The following PEX5L variants were observed in gnomAD, a reference collection of about 807,000 sequenced individuals.
PEX5L encodes peroxisomal biogenesis factor 5 like.
Under a neutral mutation model 84.0 loss-of-function variants are expected in PEX5L, and 30 were observed. That is an observed-to-expected ratio of 0.36 (90% CI 0.27 to 0.48). The LOEUF (loss-of-function observed/expected upper bound fraction) is 0.48. PEX5L is among the 20% of genes least tolerant of loss of function. The pLI, the probability that PEX5L is intolerant of heterozygous loss-of-function variation, is 0.99. For missense variants in PEX5L, 533 were observed against 754.6 expected (o/e 0.71, Z 3.44); for synonymous variants, 270 against 283.1 (o/e 0.95, Z 0.46).
At chr3:179,830,208 T>A (rs1414136832) in intron 8 of PEX5L, among the ~76,000 whole-genome samples, 1 of 152,102 alleles carries the variant, frequency 6.6e-6, no homozygotes, top group Non-Finnish European at 1.5e-5. Flanking sequence ...TGTTTCATTT[T>A]GGCAGAGAAA....
chr3:179,964,308 TC>T (rs1453920077), intron 2 of PEX5L, among the ~76,000 whole-genome samples: 3 of 152,072 alleles, frequency 2.0e-5, no homozygotes, highest in Non-Finnish European at 4.4e-5. Context: ...TCCAGTTCCA[TC>T]CACGTTGCTG....
At chr3:179,804,682 G>A (rs942248131) in intron 14 of PEX5L, among the ~76,000 whole-genome samples, 38 of 152,124 alleles carry the variant, frequency 2.5e-4, no homozygotes, top group African/African-American at 8.5e-4. Context: ...TTGAGGGAGC[G>A]GTCCCAAGAC....
At chr3:179,969,629 C>CA (rs1193470909) in intron 2 of PEX5L, among the ~76,000 whole-genome samples, 1 of 151,868 alleles carries the variant, frequency 6.6e-6, no homozygotes, top group Non-Finnish European at 1.5e-5. Flanking sequence ...ATAAATCTTT[C>CA]AAAAAAAGGA....
At chr3:180,007,828 C>A (rs1330056969) in intron 1 of PEX5L, among the ~76,000 whole-genome samples, 5 of 152,206 alleles carry the variant, frequency 3.3e-5, no homozygotes, top group Non-Finnish European at 5.9e-5. Flanking sequence ...GGCACCAAGT[C>A]CCTAGGCTTC....
chr3:179,950,685 T>C (rs1778854837), intron 2 of PEX5L, among the ~76,000 whole-genome samples: 1 of 152,156 alleles, frequency 6.6e-6, no homozygotes, highest in African/African-American at 2.4e-5. Context: ...TACAGTCTAG[T>C]TGAAAATATT....
At chr3:179,978,038 T>C (rs556451304) in intron 1 of PEX5L, among the ~76,000 whole-genome samples, 1 of 152,240 alleles carries the variant, frequency 6.6e-6, no homozygotes, top group African/African-American at 2.4e-5. Flanking sequence ...AAGTATGTTG[T>C]AGCATTTTAA....
chr3:179,871,100 C>CTTCT lies in PEX5L; in HGVS notation c.726+3226_726+3227insAGAA, dbSNP rs1560470729. 6.3e-5 allele frequency among the ~76,000 whole-genome samples: 6 copies of CTTCT among 95,030 alleles called. 1 individual carries two copies. Among genetic ancestry groups the CTTCT allele is most frequent in the Admixed American group, 1.1e-4 (1 of 9,300 alleles). 62.3% of individuals were successfully genotyped at this position (95,030 alleles called of 152,430 possible). ...TTTCCTGTGAACCATTTGAGTTATA[C>CTTCT]TTTTTTTTTTTTTTTTTTTTTTGGC... On this transcript the variant is annotated intron_variant, in intron 7 of 14. Coordinates refer to ENST00000467460, the MANE Select transcript of PEX5L (RefSeq NM_016559.3).
intron 11 of PEX5L, among the ~76,000 whole-genome samples, chr3:179,809,902 G>A (rs2108786310): frequency 6.7e-6 from 1 of 148,980 alleles, no homozygotes; most frequent in Middle Eastern, 3.6e-3. Context: ...ATTTTAATAA[G>A]TAGCTTTAAA....
intron 1 of PEX5L, among the ~76,000 whole-genome samples, chr3:179,984,484 T>C (rs1786620082): frequency 1.3e-5 from 2 of 152,186 alleles, no homozygotes; most frequent in South Asian, 4.1e-4. Flanking sequence ...TCTAATCCAG[T>C]AAGCGTGAAC....
chr3:179,888,130 G>A, intron 3 of PEX5L: 1 of 1,290,722 alleles, frequency 7.7e-7, no homozygotes. Context: ...CTGGACAAAA[G>A]CTCCTACTGA....
chr3:179,937,124 A>G (rs1191326675), intron 2 of PEX5L, among the ~76,000 whole-genome samples: 5 of 152,198 alleles, frequency 3.3e-5, no homozygotes, highest in Non-Finnish European at 7.3e-5. Context: ...AAATGTATAT[A>G]ATTAGAGCCT....
intron 1 of PEX5L, among the ~76,000 whole-genome samples, chr3:180,018,693 T>C (rs575169246): frequency 6.6e-6 from 1 of 152,218 alleles, no homozygotes; most frequent in Non-Finnish European, 1.5e-5. Flanking sequence ...AAATGAAAAA[T>C]GACACACACG....
intron 1 of PEX5L, among the ~76,000 whole-genome samples, chr3:180,000,990 G>A (rs986495762): frequency 1.3e-5 from 2 of 152,126 alleles, no homozygotes; most frequent in East Asian, 1.9e-4. Flanking sequence ...GATCCTGGGT[G>A]TGTCTATGAG....
intron 1 of PEX5L, among the ~76,000 whole-genome samples, chr3:180,014,777 T>C (rs1439807258): frequency 1.3e-5 from 2 of 151,994 alleles, no homozygotes; most frequent in Non-Finnish European, 2.9e-5. Context: ...TTTTCTTTTT[T>C]TCTAGCAGAG....
In PEX5L at chr3:179,807,904, C is replaced by T. The variant is rs945510801; in HGVS notation, c.1519-73G>A. On this transcript the variant is annotated intron_variant, in intron 13 of 14. Transcript: ENST00000467460. ...GACAGAGCATTCCTGTATTTCTCTGCAGAGAAAGGAAGATGGCTAAAAATT... is the reference window on the plus strand; with the variant it reads ...GACAGAGCATTCCTGTATTTCTCTGTAGAGAAAGGAAGATGGCTAAAAATT... The T allele has an allele frequency of 5.0e-6, 7 of 1,392,154 alleles. No homozygotes were observed. The African/African-American group carries it at 8.5e-5, about 17-fold the overall frequency. 86.2% of individuals were successfully genotyped at this position (1,392,154 alleles called of 1,614,324 possible). A position where few individuals can be genotyped will look rare whatever the true frequency, so the allele number is the denominator to read the frequency against.
chr3:180,010,270 T>TTTTTTTTG (rs1206110355), intron 1 of PEX5L, among the ~76,000 whole-genome samples: 1 of 142,926 alleles, frequency 7.0e-6, no homozygotes. Flanking sequence ...TTTTTTTCTG[T>TTTTTTTTG]AGAGATGGAG....
chr3:180,036,740 T>C lies in PEX5L; in HGVS notation c.-141A>G, dbSNP rs1791941908. On this transcript the variant is annotated 5_prime_UTR_variant, in exon 1 of 15. Coordinates refer to ENST00000467460, the MANE Select transcript of PEX5L (RefSeq NM_016559.3). Reference sequence around the variant, plus strand: ...CTGAGCCCCCTGGAGCTCCGGGTACTCGGCCGGCCGGCGGCCACTCGGCAG... The same window carrying C: ...CTGAGCCCCCTGGAGCTCCGGGTACCCGGCCGGCCGGCGGCCACTCGGCAG... 3.5e-6 allele frequency: 3 copies of C among 868,522 alleles called. No individual in the cohort carries two copies. The highest frequency in any genetic ancestry group is 5.7e-6 in the Non-Finnish European group (3 of 522,116). The allele number at this position is 868,522 out of a possible 1,614,324, so 53.8% of individuals were successfully genotyped here.
chr3:179,992,376 TATTA>T (rs1787463979), intron 1 of PEX5L, among the ~76,000 whole-genome samples: 1 of 152,218 alleles, frequency 6.6e-6, no homozygotes, highest in Non-Finnish European at 1.5e-5. Context: ...TCACACAACT[TATTA>T]ATGACAGAGT....
intron 8 of PEX5L, among the ~76,000 whole-genome samples, chr3:179,853,808 C>T (rs1269657456): frequency 6.6e-6 from 1 of 151,056 alleles, no homozygotes. Context: ...TCTTCTTCTT[C>T]TTATTCTTCT....
Sources: gnomAD v4.1 joint callset for allele counts (sites outside exome capture counted in the v4.1 genomes callset) on GRCh38, gnomAD v4.1.1 for gene constraint, MANE v1.5 for transcripts, NCBI Gene and HGNC (gene_info 2026-07-23, HGNC 2026-07-21) for gene names.